Variants in MTCH1 observed in about 807,000 individuals in gnomAD.
The protein encoded by MTCH1 is mitochondrial carrier 1.
A neutral mutation model predicts 49.3 loss-of-function variants in MTCH1; 23 were observed. The observed-to-expected ratio is 0.47, with a 90% CI of 0.34 to 0.66. The LOEUF is 0.66. Ranked by LOEUF, MTCH1 falls within the 30% of genes least tolerant of loss-of-function variation. The pLI, the probability that MTCH1 is intolerant of heterozygous loss-of-function variation, is 0.01. For missense variants in MTCH1, 397 were observed against 532.1 expected (o/e 0.75, Z 2.50); for synonymous variants, 229 against 215.2 (o/e 1.06, Z -0.56).
At chr6:36,981,724 C>A in intron 1 of MTCH1, 52 bp from the exon 2 acceptor site, 1 of 1,456,150 alleles carries the variant, frequency 6.9e-7, no homozygotes. Flanking sequence ...GGTGATTCAG[C>A]CTCACCACCT....
chr6:36,986,124 G>A lies in MTCH1; in HGVS notation c.50C>T (p.Ala17Val). 2.1e-6 allele frequency: 3 copies of A among 1,436,894 alleles called. 1 individual carries two copies. The highest frequency in any genetic ancestry group is 2.7e-5 in the South Asian group (2 of 72,762). The allele number at this position is 1,436,894 out of a possible 1,614,324, so 89.0% of individuals were successfully genotyped here. A position where few individuals can be genotyped will look rare whatever the true frequency, so the allele number is the denominator to read the frequency against. ...TCCAGCTCCGGCTCCCGCCATCCCC[G>A]CGGCACCGCCGCGAGCCCAGGGCGC... ...EVAPWARGGA[A>V]GMAGAGAGAG... is the part of the protein sequence containing the mutation. The change falls in exon 1 of 12, where the codon GCG becomes GTG. Residue 17 changes from alanine to valine, a missense_variant. Around this residue, in one of 2 missense-constraint regions of MTCH1, gnomAD observed 145 missense variants for 143.8 expected, o/e 1.01. Transcript: ENST00000373627.
intron 8 of MTCH1, chr6:36,971,006 A>G (rs973394274): frequency 2.2e-6 from 1 of 453,900 alleles, no homozygotes; most frequent in Admixed American, 3.4e-5. Flanking sequence ...CTTGGCACGC[A>G]GTCAGTGCTA....
chr6:36,984,472 T>C (rs964386594), intron 1 of MTCH1, among the ~76,000 whole-genome samples: 1 of 152,166 alleles, frequency 6.6e-6, no homozygotes, highest in Non-Finnish European at 1.5e-5. Flanking sequence ...TCAATTACTC[T>C]CATTCTCAAG....
At chr6:36,981,414 CT>C (rs1764082310) in intron 2 of MTCH1, among the ~76,000 whole-genome samples, 173 bp downstream of exon 2, 1 of 152,214 alleles carries the variant, frequency 6.6e-6, no homozygotes, top group African/African-American at 2.4e-5. Flanking sequence ...TATGGTTCAC[CT>C]GCTCGCACCC....
At position 36,978,875 on chromosome 6, in the gene MTCH1, C is replaced by CTT. The variant is rs11322816; in HGVS notation, c.407-266_407-265dup. Reference sequence around the variant, plus strand: ...TCTTCCTTCCTTCCCTCCCTCCCTCCTTTTTTTTTTTTTTTTTTTTTTTGC... The same window carrying CTT: ...TCTTCCTTCCTTCCCTCCCTCCCTCCTTTTTTTTTTTTTTTTTTTTTTTTTGC... On this transcript the variant is annotated intron_variant, in intron 2 of 11. Coordinates refer to ENST00000373627, the MANE Select transcript of MTCH1 (RefSeq NM_001271641.2). 3.5e-3 allele frequency among the ~76,000 whole-genome samples: 356 copies of CTT among 100,362 alleles called. 6 individuals are homozygous for CTT. Among genetic ancestry groups the CTT allele is most frequent in the African/African-American group, 4.2e-3 (94 of 22,632 alleles). 65.8% of individuals were successfully genotyped at this position (100,362 alleles called of 152,430 possible).
chr6:36,976,483 GT>G (rs1763883712), intron 6 of MTCH1: 1 of 470,340 alleles, frequency 2.1e-6, no homozygotes, highest in East Asian at 7.0e-5. Flanking sequence ...TACCCTTCTG[GT>G]CCCAACTACC....
chr6:36,977,374 G>T lies in MTCH1; in HGVS notation c.650-124C>A. The T allele has an allele frequency of 1.0e-6, 1 of 1,002,024 alleles. No individual in the cohort carries two copies. Among genetic ancestry groups the T allele is most frequent in the Non-Finnish European group, 1.5e-6 (1 of 653,792 alleles). 62.1% of individuals were successfully genotyped at this position (1,002,024 alleles called of 1,614,324 possible). On this transcript the variant is annotated intron_variant, in intron 5 of 11. Transcript: ENST00000373627. The surrounding 1 kb of genome is among the most constrained non-coding windows in gnomAD (Gnocchi z 5.4). ...CGTGGCCTATTCAGAGAGCAGGAGA[G>T]GAAGAGGGCCTTTCGGATTCCCTGT...
At chr6:36,985,816 A>G in intron 1 of MTCH1, 37 bp downstream of exon 1, 1 of 1,541,558 alleles carries the variant, frequency 6.5e-7, no homozygotes, top group Non-Finnish European at 8.7e-7. Flanking sequence ...CCTTCACATC[A>G]GCCTCCCATC....
chr6:36,978,301 G>GC lies in MTCH1; in HGVS notation c.514-147dup. The GC allele has an allele frequency of 3.4e-6, 3 of 873,894 alleles. No homozygotes were observed. The South Asian group carries it at 4.9e-5, about 14-fold the overall frequency. 54.1% of individuals were successfully genotyped at this position (873,894 alleles called of 1,614,324 possible). On this transcript the variant is annotated intron_variant, in intron 3 of 11. Coordinates refer to ENST00000373627, the MANE Select transcript of MTCH1 (RefSeq NM_001271641.2). ...ACCTCAGGTAACCTCCAGGTCTGGAGCTTGGGGGGAAAAGAAAGCCACTAT... is the reference window on the plus strand; with the variant it reads ...ACCTCAGGTAACCTCCAGGTCTGGAGCCTTGGGGGGAAAAGAAAGCCACTAT...
At position 36,977,826 on chromosome 6, in the gene MTCH1, G is replaced by T. The variant is rs1179386187; in HGVS notation, c.592-135C>A. Reference sequence around the variant, plus strand: ...ACATGGGGTCGGTCTGCCAAGGATGGCTCCACCTGTTGCCCACTCCCCAGT... The same window carrying T: ...ACATGGGGTCGGTCTGCCAAGGATGTCTCCACCTGTTGCCCACTCCCCAGT... On this transcript the variant is annotated intron_variant, in intron 4 of 11. Coordinates refer to ENST00000373627, the MANE Select transcript of MTCH1 (RefSeq NM_001271641.2). This position sits in a 1 kb window ranked among gnomAD's most constrained non-coding sequence, Gnocchi z 5.4. 7 of 850,030 alleles carry T rather than the reference G, an allele frequency of 8.2e-6. No individual in the cohort carries two copies. Among genetic ancestry groups the T allele is most frequent in the African/African-American group, 1.7e-5 (1 of 58,926 alleles). The allele number at this position is 850,030 out of a possible 1,614,324, so 52.7% of individuals were successfully genotyped here. A position where few individuals can be genotyped will look rare whatever the true frequency, so the allele number is the denominator to read the frequency against.
intron 1 of MTCH1, among the ~76,000 whole-genome samples, 177 bp downstream of exon 1, chr6:36,985,676 C>A (rs1007110019): frequency 6.6e-6 from 1 of 152,048 alleles, no homozygotes; most frequent in Non-Finnish European, 1.5e-5. Flanking sequence ...GTGACCCCTG[C>A]GTTCCCAACT....
At chr6:36,985,513 A>C (rs1764266977) in intron 1 of MTCH1, among the ~76,000 whole-genome samples, 1 of 150,830 alleles carries the variant, frequency 6.6e-6, no homozygotes, top group Non-Finnish European at 1.5e-5. Flanking sequence ...TCCCTATCCC[A>C]AGTCCATCGT....
In MTCH1 at chr6:36,977,424, AT is replaced by A. The variant is rs1199118934; in HGVS notation, c.650-175del. The stretch of plus-strand genomic sequence containing the variant: ...TTACACCCCATGACCACAGCATGCC[AT>A]TTCTACTGCCTGGGAAGAGCCCCAC... On this transcript the variant is annotated intron_variant, in intron 5 of 11. Coordinates refer to ENST00000373627, the MANE Select transcript of MTCH1 (RefSeq NM_001271641.2). This position sits in a 1 kb window ranked among gnomAD's most constrained non-coding sequence, Gnocchi z 5.4. Among the ~76,000 whole-genome samples, 1 of 152,012 alleles carries A rather than the reference AT, an allele frequency of 6.6e-6. No homozygotes were observed. The highest frequency in any genetic ancestry group is 1.5e-5 in the Non-Finnish European group (1 of 67,984).
chr6:36,969,811 T>C, intron 11 of MTCH1: 2 of 1,485,452 alleles, frequency 1.3e-6, no homozygotes, highest in Non-Finnish European at 1.8e-6. Context: ...GAAAAGGTCT[T>C]GTCTGATGTA....
In MTCH1 at chr6:36,972,687, CT is replaced by C. The variant is rs1460283606; in HGVS notation, c.870del (p.Leu293TrpfsTer24). On this transcript the variant is annotated frameshift_variant, in exon 8 of 12. Transcript: ENST00000373627. LOFTEE classifies it high-confidence loss of function. This position sits in a 1 kb window ranked among gnomAD's most constrained non-coding sequence, Gnocchi z 4.1. ...GGATTCTGGTCGTTTCCCAGCCCCCCTGGGGTGTCACTCACGCTGTCATCCA... is the reference window on the plus strand; with the variant it reads ...GGATTCTGGTCGTTTCCCAGCCCCCCGGGGTGTCACTCACGCTGTCATCCA... ...YLVDDSVSDTPGGLGNDQNPG... is the reference protein window; with the variant it reads ...YLVDDSVSDTXGGLGNDQNPG... 1 of 1,551,638 alleles carries C rather than the reference CT, an allele frequency of 6.4e-7. No homozygotes were observed.
At chr6:36,985,729 A>AACCC in intron 1 of MTCH1, 124 bp downstream of exon 1, 1 of 560,574 alleles carries the variant, frequency 1.8e-6, no homozygotes, top group Non-Finnish European at 2.9e-6. Context: ...GGCCCCCCAA[A>AACCC]CCCGCCGTCC....
chr6:36,977,804 T>C lies in MTCH1; in HGVS notation c.592-113A>G. 1.0e-6 allele frequency: 1 copy of C among 995,340 alleles called. No homozygotes were observed. 61.7% of individuals were successfully genotyped at this position (995,340 alleles called of 1,614,324 possible). A position where few individuals can be genotyped will look rare whatever the true frequency, so the allele number is the denominator to read the frequency against. On this transcript the variant is annotated intron_variant, in intron 4 of 11. Transcript: ENST00000373627. This position sits in a 1 kb window ranked among gnomAD's most constrained non-coding sequence, Gnocchi z 5.4. Reference sequence around the variant, plus strand: ...AGAAACCTGTCCCAGGGACTGCACATGGGGTCGGTCTGCCAAGGATGGCTC... The same window carrying C: ...AGAAACCTGTCCCAGGGACTGCACACGGGGTCGGTCTGCCAAGGATGGCTC...
intron 1 of MTCH1, among the ~76,000 whole-genome samples, chr6:36,983,155 G>C (rs1764165973): frequency 6.6e-6 from 1 of 152,204 alleles, no homozygotes; most frequent in Non-Finnish European, 1.5e-5. Context: ...ACTCCTCTAT[G>C]ATGGGGACTG....
intron 11 of MTCH1, 62 bp from the exon 12 acceptor site, chr6:36,969,036 A>G: frequency 6.3e-7 from 1 of 1,589,594 alleles, no homozygotes; most frequent in South Asian, 1.1e-5. Context: ...TCCCTCCGAG[A>G]GGAAGGCCAG....
Sources: gnomAD v4.1 joint callset for allele counts (sites outside exome capture counted in the v4.1 genomes callset) on GRCh38, gnomAD v4.1.1 for gene constraint, gnomAD v4.1.1 regional missense constraint, Gnocchi (gnomAD v3.1) non-coding constraint, MANE v1.5 for transcripts, NCBI Gene and HGNC (gene_info 2026-07-23, HGNC 2026-07-21) for gene names.